HIF3A: variants seen among roughly 807,000 people sequenced by gnomAD.
HIF3A encodes the protein hypoxia-inducible factor 3-alpha.
A neutral mutation model predicts 67.2 loss-of-function variants in HIF3A; 41 were observed. That is an observed-to-expected ratio of 0.61 (90% CI 0.48 to 0.79). The LOEUF is 0.79. HIF3A is among the 30% of genes least tolerant of loss of function. The pLI, the probability that HIF3A is intolerant of heterozygous loss-of-function variation, is 0.00. For synonymous variants in HIF3A, 356 were observed against 374.8 expected (o/e 0.95, Z 0.58); for missense variants, 855 against 898.0 (o/e 0.95, Z 0.61).
chr19:46,332,985 A>G (rs1437897192), intron 13 of HIF3A, among the ~76,000 whole-genome samples: 1 of 144,362 alleles, frequency 6.9e-6, no homozygotes, highest in Non-Finnish European at 1.5e-5. Context: ...CCCTCTCAGA[A>G]AAAAAAAAAA....
chr19:46,298,675 T>G (rs923343712), intron 1 of HIF3A, among the ~76,000 whole-genome samples: 1 of 152,194 alleles, frequency 6.6e-6, no homozygotes, highest in Non-Finnish European at 1.5e-5. Flanking sequence ...GATAGGATTT[T>G]GGGGACCAGC....
At chr19:46,304,268 C>T in intron 2 of HIF3A, 180 bp downstream of exon 2, 1 of 603,632 alleles carries the variant, frequency 1.7e-6, no homozygotes. Context: ...GGCCCCGCCC[C>T]CTTTGAGTTC....
At chr19:46,313,808 C>T (rs1008255572) in intron 8 of HIF3A, among the ~76,000 whole-genome samples, 4 of 150,748 alleles carry the variant, frequency 2.7e-5, no homozygotes, top group South Asian at 2.1e-4. Flanking sequence ...TGGGATTACA[C>T]GCAACAACAC....
chr19:46,325,725 G>T (rs1434068617), intron 11 of HIF3A, 86 bp downstream of exon 11: 24 of 872,318 alleles, frequency 2.8e-5, no homozygotes, highest in Non-Finnish European at 4.4e-5. Context: ...TAGTGGGATG[G>T]TTAAAGGAAT....
intron 1 of HIF3A, among the ~76,000 whole-genome samples, chr19:46,300,988 TCGGG>T (rs1416616118): frequency 7.9e-5 from 12 of 151,868 alleles, no homozygotes; most frequent in Non-Finnish European, 1.6e-4. Flanking sequence ...CTGTTCCCTG[TCGGG>T]CCCCCAGCTC....
chr19:46,321,726 T>TGGCCCTC, intron 9 of HIF3A, 50 bp from the exon 10 acceptor site: 1 of 1,545,574 alleles, frequency 6.5e-7, no homozygotes, highest in South Asian at 1.2e-5. Flanking sequence ...CTCTGGCCCT[T>TGGCCCTC]GGCCCTCAGT....
At position 46,309,170 on chromosome 19, in the gene HIF3A, A is replaced by G. The variant is rs763338294; in HGVS notation, c.581A>G (p.His194Arg). ...ATWKVLNCSG[H>R]MRAYKPPAQT... The stretch of plus-strand genomic sequence containing the variant: ...CCCCAGGTGCTGAACTGCTCTGGAC[A>G]TATGAGGGCCTACAAGCCACCTGCG... The change falls in exon 6 of 15, where the codon CAT becomes CGT. Residue 194 changes from histidine to arginine, a missense_variant. By Grantham distance (29) the His-to-Arg change is conservative. This residue lies in a region of HIF3A where 638 missense variants were observed against 660.5 expected (regional missense o/e 0.97). Transcript: ENST00000377670. 1.2e-6 allele frequency: 2 copies of G among 1,614,024 alleles called. No homozygotes were observed. The highest frequency in any genetic ancestry group is 8.5e-7 in the Non-Finnish European group (1 of 1,179,940).
At chr19:46,332,429 A>G (rs1236704303) in intron 13 of HIF3A, among the ~76,000 whole-genome samples, 1 of 152,096 alleles carries the variant, frequency 6.6e-6, no homozygotes, top group Non-Finnish European at 1.5e-5. Flanking sequence ...AGTCCCAGCT[A>G]CTTAGGAGGC....
At chr19:46,300,499 A>G (rs1335247506) in intron 1 of HIF3A, among the ~76,000 whole-genome samples, 2 of 152,142 alleles carry the variant, frequency 1.3e-5, no homozygotes, top group East Asian at 3.9e-4. Flanking sequence ...TGTCTCTACT[A>G]AAAATACAAA....
chr19:46,340,777 A>G lies in HIF3A; in HGVS notation c.*1155A>G. Reference sequence around the variant, plus strand: ...CAGCCTTCCAAAGTGCTGGGATTACAGGCGTGAGCCACTGCACCCGGCTAG... The same window carrying G: ...CAGCCTTCCAAAGTGCTGGGATTACGGGCGTGAGCCACTGCACCCGGCTAG... On this transcript the variant is annotated 3_prime_UTR_variant, in exon 15 of 15. Transcript: ENST00000377670. 6.6e-6 allele frequency: 1 copy of G among 152,528 alleles called. No homozygotes were observed. Among genetic ancestry groups the G allele is most frequent in the Non-Finnish European group, 1.5e-5 (1 of 68,194 alleles). 9.4% of individuals were successfully genotyped at this position (152,528 alleles called of 1,614,324 possible).
chr19:46,301,347 T>G (rs908503328), intron 1 of HIF3A, among the ~76,000 whole-genome samples: 7 of 152,028 alleles, frequency 4.6e-5, no homozygotes, highest in Non-Finnish European at 8.8e-5. Context: ...GAAGGGACAG[T>G]GTCCCCTCCT....
intron 1 of HIF3A, among the ~76,000 whole-genome samples, chr19:46,301,658 T>A (rs915219426): frequency 2.0e-5 from 3 of 151,856 alleles, no homozygotes; most frequent in Admixed American, 1.3e-4. Flanking sequence ...AAACCCCGTC[T>A]CTACTAAAAA....
rs765299207 is a variant in HIF3A at position 46,339,630 on chromosome 19, C to G, written c.*8C>G. 6.3e-7 allele frequency: 1 copy of G among 1,585,534 alleles called. No individual in the cohort carries two copies. Among genetic ancestry groups the G allele is most frequent in the Non-Finnish European group, 8.6e-7 (1 of 1,164,070 alleles). On this transcript the variant is annotated 3_prime_UTR_variant, in exon 15 of 15. Coordinates refer to ENST00000377670, the MANE Select transcript of HIF3A (RefSeq NM_152795.4). Reference sequence around the variant, plus strand: ...TCAGCCCAGGCTGACTGAGCCGGCTCCTCTCCCCATCTGCCTTCTCCTCCC... The same window carrying G: ...TCAGCCCAGGCTGACTGAGCCGGCTGCTCTCCCCATCTGCCTTCTCCTCCC...
intron 9 of HIF3A, 47 bp downstream of exon 9, chr19:46,320,608 T>G: frequency 6.9e-7 from 1 of 1,450,444 alleles, no homozygotes; most frequent in Non-Finnish European, 9.6e-7. Context: ...CCCAGGGCCC[T>G]TGGGAGAAAG....
At chr19:46,325,037 C>T (rs1970676977) in intron 10 of HIF3A, among the ~76,000 whole-genome samples, 2 of 147,674 alleles carry the variant, frequency 1.4e-5, no homozygotes. Flanking sequence ...TACTCTGTCA[C>T]CCAGGCTGGA....
At chr19:46,309,043 G>T (rs532977011) in intron 5 of HIF3A, 108 bp from the exon 6 acceptor site, 20 of 921,600 alleles carry the variant, frequency 2.2e-5, no homozygotes, top group African/African-American at 1.8e-4. Flanking sequence ...GTCTTCATGG[G>T]GTTGGAATCT....
At chr19:46,320,018 T>C (rs919084779) in intron 8 of HIF3A, among the ~76,000 whole-genome samples, 1 of 152,128 alleles carries the variant, frequency 6.6e-6, no homozygotes, top group Non-Finnish European at 1.5e-5. Flanking sequence ...TCACCTGAGG[T>C]CAGGAGTTCG....
chr19:46,297,455 C>T lies in HIF3A; in HGVS notation c.26+353C>T, dbSNP rs1967952521. Among the ~76,000 whole-genome samples, 1 of 152,084 alleles carries T rather than the reference C, an allele frequency of 6.6e-6. No individual in the cohort carries two copies. Among genetic ancestry groups the T allele is most frequent in the African/African-American group, 2.4e-5 (1 of 41,400 alleles). The stretch of plus-strand genomic sequence containing the variant: ...CCCAGGCTTCTGCGGGAGATATTCG[C>T]CCTCCACATATTGATCCCTCTGGCC... On this transcript the variant is annotated intron_variant, in intron 1 of 14. Coordinates refer to ENST00000377670, the MANE Select transcript of HIF3A (RefSeq NM_152795.4). The surrounding 1 kb of genome is among the most constrained non-coding windows in gnomAD (Gnocchi z 4.5).
intron 1 of HIF3A, among the ~76,000 whole-genome samples, chr19:46,299,816 G>A (rs573125898): frequency 1.3e-3 from 201 of 151,808 alleles, no homozygotes; most frequent in Admixed American, 2.2e-3. Flanking sequence ...GGAAGCAGAC[G>A]GTGGGGGGCG....
Sources: allele counts gnomAD v4.1 joint callset (sites outside exome capture counted in the v4.1 genomes callset), GRCh38; gene constraint gnomAD v4.1.1; regional missense constraint gnomAD v4.1.1; non-coding constraint Gnocchi (gnomAD v3.1); transcripts MANE v1.5; gene names NCBI Gene and HGNC (gene_info 2026-07-23, HGNC 2026-07-21).